PNPLA4: variants seen among roughly 807,000 people sequenced by gnomAD.
The protein encoded by PNPLA4 is patatin-like phospholipase domain-containing protein 4.
A neutral mutation model predicts 18.3 loss-of-function variants in PNPLA4; 15 were observed. The observed-to-expected ratio is 0.82, with a 90% confidence interval of 0.55 to 1.26. The LOEUF is 1.26. Among genes scored for constraint, PNPLA4 ranks in the 50% most tolerant of loss-of-function variants. The pLI, the probability that PNPLA4 is intolerant of heterozygous loss-of-function variation, is 0.00. For missense variants in PNPLA4, 229 were observed against 196.8 expected (o/e 1.16, Z -0.98); for synonymous variants, 88 against 85.6 (o/e 1.03, Z -0.16).
At position 7,922,003 on chromosome X, in the gene PNPLA4, C is replaced by G. The variant is rs1435086218; in HGVS notation, c.275+1G>C. 7.1e-5 allele frequency: 85 copies of G among 1,195,324 alleles called. No individual in the cohort carries two copies. The highest frequency in any genetic ancestry group is 9.6e-5 in the Non-Finnish European group (85 of 882,322). On this transcript the variant is annotated splice_donor_variant, in intron 3 of 6. Coordinates refer to ENST00000381042, the MANE Select transcript of PNPLA4 (RefSeq NM_004650.3). LOFTEE classifies it high-confidence loss of function. ...TTTTGGGCAAAATGTACTCTGTATA[C>G]CTTAGTCGGGCCATGAAGTCATAAC...
intron 5 of PNPLA4, among the ~76,000 whole-genome samples, chrX:7,902,787 A>G (rs1330885872): frequency 8.9e-6 from 1 of 111,809 alleles, no homozygotes; most frequent in Non-Finnish European, 1.9e-5. Context: ...GAGGACGGAC[A>G]ATGAGGTGCT....
rs759720168 is a variant in PNPLA4, at chrX:7,924,311, G to T, written c.180+1629C>A. 2.7e-5 allele frequency among the ~76,000 whole-genome samples: 3 copies of T among 111,866 alleles called. No individual in the cohort carries two copies. In the East Asian group the frequency reaches 8.4e-4, roughly 31 times the overall value. ...CACGTATTTGTCACAACAGTAAAAA[G>T]CTTGAGGAACTTATATCATCAGCGA... On this transcript the variant is annotated intron_variant, in intron 2 of 6. Transcript: ENST00000381042.
intron 4 of PNPLA4, among the ~76,000 whole-genome samples, 183 bp downstream of exon 4, chrX:7,921,530 C>G (rs1280887311): frequency 2.7e-5 from 3 of 111,866 alleles, no homozygotes; most frequent in African/African-American, 9.8e-5. Flanking sequence ...CATCATAAGG[C>G]GGCCTCAGGA....
intron 5 of PNPLA4, among the ~76,000 whole-genome samples, chrX:7,909,280 C>T (rs1601645581): frequency 8.9e-6 from 1 of 112,001 alleles, no homozygotes; most frequent in South Asian, 3.8e-4. Flanking sequence ...AAGTTTTAGG[C>T]TGGGCACGGT....
intron 5 of PNPLA4, among the ~76,000 whole-genome samples, chrX:7,906,280 G>A (rs1021614958): frequency 2.2e-4 from 24 of 111,583 alleles, no homozygotes; most frequent in Admixed American, 1.9e-4. Context: ...TTCCAATTAC[G>A]GTGGGAAGAA....
At chrX:7,908,642 C>T (rs1191861771) in intron 5 of PNPLA4, among the ~76,000 whole-genome samples, 3 of 112,037 alleles carry the variant, frequency 2.7e-5, no homozygotes, top group African/African-American at 9.7e-5. Flanking sequence ...TGCAAGGCCG[C>T]TGTGGCTCTC....
chrX:7,902,000 G>T lies in PNPLA4; in HGVS notation c.619C>A (p.Gln207Lys), dbSNP rs1268383422. The change falls in exon 6 of 7, where the codon CAG becomes AAG. Residue 207 changes from glutamine to lysine, a missense_variant. Transcript: ENST00000381042. ...QLDLYVNIAK[Q>K]DIMLSLANLV... ...ACATAATTACTCACCATGATATCCT[G>T]CTTGGCGATATTAACATACAGATCT... 7 of 1,205,421 alleles carry T rather than the reference G, an allele frequency of 5.8e-6. No individual in the cohort carries two copies. In the South Asian group the frequency reaches 1.3e-4, roughly 22 times the overall value.
intron 6 of PNPLA4, among the ~76,000 whole-genome samples, chrX:7,901,186 G>T (rs1923519373): frequency 8.9e-6 from 1 of 112,049 alleles, no homozygotes; most frequent in African/African-American, 3.2e-5. Context: ...AAGGGAATCA[G>T]TATTTTTATG....
At chrX:7,903,425 G>A (rs988760071) in intron 5 of PNPLA4, among the ~76,000 whole-genome samples, 5 of 110,210 alleles carry the variant, frequency 4.5e-5, no homozygotes, top group Non-Finnish European at 9.5e-5. Context: ...TCAGCCTCCC[G>A]AGTAGCTGGG....
chrX:7,926,407 T>C (rs772483324), intron 1 of PNPLA4, among the ~76,000 whole-genome samples: 7 of 112,668 alleles, frequency 6.2e-5, no homozygotes, highest in African/African-American at 2.3e-4. Context: ...ACGATTTAAT[T>C]ACTTGGCAGG....
At chrX:7,902,841 A>G (rs1435930818) in intron 5 of PNPLA4, among the ~76,000 whole-genome samples, 11 of 111,869 alleles carry the variant, frequency 9.8e-5, no homozygotes, top group African/African-American at 3.3e-4. Flanking sequence ...AGAAGCGCAC[A>G]ATGAGAAATG....
rs1482938585 is a variant in PNPLA4, at chrX:7,899,187, T to G, written c.*1499A>C. ...TCAAAAAGAGGCCATCGTTGGTGTT[T>G]ATGTGCTAAAAGTTGTGTATTTTGG... is the stretch of plus-strand genomic sequence containing the variant. On this transcript the variant is annotated 3_prime_UTR_variant, in exon 7 of 7. Coordinates refer to ENST00000381042, the MANE Select transcript of PNPLA4 (RefSeq NM_004650.3). 1 of 111,686 alleles carries G rather than the reference T, an allele frequency of 9.0e-6. No individual in the cohort carries two copies. The highest frequency in any genetic ancestry group is 1.9e-5 in the Non-Finnish European group (1 of 53,141). 9.2% of individuals were successfully genotyped at this position (111,686 alleles called of 1,213,427 possible). A position where few individuals can be genotyped will look rare whatever the true frequency, so the allele number is the denominator to read the frequency against.
chrX:7,900,826 A>T lies in PNPLA4; in HGVS notation c.631-9T>A. ...AGGTTTGCCAGGGACAACTAGAATAAAAAGACCAAAATTTAAGCTGTAGGA... is the reference window on the plus strand; with the variant it reads ...AGGTTTGCCAGGGACAACTAGAATATAAAGACCAAAATTTAAGCTGTAGGA... On this transcript the variant is annotated splice_polypyrimidine_tract_variant and intron_variant, in intron 6 of 6. Coordinates refer to ENST00000381042, the MANE Select transcript of PNPLA4 (RefSeq NM_004650.3). 1 of 1,186,611 alleles carries T rather than the reference A, an allele frequency of 8.4e-7. No individual in the cohort carries two copies. Among genetic ancestry groups the T allele is most frequent in the East Asian group, 3.0e-5 (1 of 33,615 alleles).
chrX:7,921,979 T>A, intron 3 of PNPLA4, 25 bp downstream of exon 3: 2 of 1,176,586 alleles, frequency 1.7e-6, no homozygotes, highest in Non-Finnish European at 2.3e-6. Context: ...TTCATGTACT[T>A]TTGGGCAAAA....
intron 4 of PNPLA4, among the ~76,000 whole-genome samples, chrX:7,913,451 C>G (rs1263279384): frequency 8.9e-6 from 1 of 112,324 alleles, no homozygotes; most frequent in Non-Finnish European, 1.9e-5. Context: ...GTAACAGCTC[C>G]TATAGCAACA....
At chrX:7,913,890 C>A (rs1923952982) in intron 4 of PNPLA4, among the ~76,000 whole-genome samples, 1 of 112,492 alleles carries the variant, frequency 8.9e-6, no homozygotes, top group Non-Finnish European at 1.9e-5. Context: ...GTGGTTGAGA[C>A]TGTCCCCAGA....
intron 2 of PNPLA4, among the ~76,000 whole-genome samples, chrX:7,924,669 A>C (rs1454215351): frequency 1.8e-5 from 2 of 112,556 alleles, no homozygotes; most frequent in African/African-American, 6.5e-5. Flanking sequence ...ATATGATGAC[A>C]TCAAGTCTCC....
rs143864337 is a variant in PNPLA4, at chrX:7,902,043, C to T, written c.576G>A (p.Pro192=). The T allele has an allele frequency of 2.7e-4, 331 of 1,206,790 alleles. No individual in the cohort carries two copies. The African/African-American group carries it at 4.4e-3, about 16-fold the overall frequency. The change falls in exon 6 of 7, where the codon CCG becomes CCA. Residue 192 remains proline (P), a synonymous_variant. Coordinates refer to ENST00000381042, the MANE Select transcript of PNPLA4 (RefSeq NM_004650.3). Reference sequence around the variant, plus strand: ...ACAGATCTAGCTGCCCTTTGTCCTGCGGGGAGATGTCCAGTCGTCCACTGA... The same window carrying T: ...ACAGATCTAGCTGCCCTTTGTCCTGTGGGGAGATGTCCAGTCGTCCACTGA... The part of the protein sequence containing the change: ...SPFSGRLDIS[P]QDKGQLDLYV...
intron 2 of PNPLA4, among the ~76,000 whole-genome samples, chrX:7,925,670 AAC>A (rs1360361042): frequency 1.3e-4 from 15 of 112,149 alleles, no homozygotes; most frequent in African/African-American, 4.9e-4. Context: ...GCTTGAAAGG[AAC>A]AGAGCTGGAA....
Sources: allele counts gnomAD v4.1 joint callset (sites outside exome capture counted in the v4.1 genomes callset), GRCh38; gene constraint gnomAD v4.1.1; transcripts MANE v1.5; gene names NCBI Gene and HGNC (gene_info 2026-07-23, HGNC 2026-07-21).